The following KCNIP4 variants were observed in gnomAD, a reference collection of about 807,000 sequenced individuals.
KCNIP4 encodes the protein potassium voltage-gated channel interacting protein 4.
KCNIP4 carries 12 observed loss-of-function variants against 34.0 expected under a neutral mutation model. That is an observed-to-expected ratio of 0.35 (90% CI 0.23 to 0.57). KCNIP4 has a LOEUF of 0.57. KCNIP4 is among the 20% of genes least tolerant of loss of function. KCNIP4 has a pLI of 0.83. For missense variants in KCNIP4, 238 were observed against 311.7 expected (o/e 0.76, Z 1.78); for synonymous variants, 124 against 102.2 (o/e 1.21, Z -1.29).
At chr4:21,757,387 G>A (rs975260178) in intron 1 of KCNIP4, among the ~76,000 whole-genome samples, 4 of 152,194 alleles carry the variant, frequency 2.6e-5, no homozygotes, top group Non-Finnish European at 5.9e-5. Flanking sequence ...GAGAACGTAA[G>A]CTCACATGTG....
chr4:21,656,849 G>A (rs960605641), intron 1 of KCNIP4: 7 of 152,098 alleles, frequency 4.6e-5, no homozygotes, highest in Non-Finnish European at 7.3e-5. Context: ...CCTTCTTCTT[G>A]ACTTTCTTTA....
intron 1 of KCNIP4, among the ~76,000 whole-genome samples, chr4:21,416,384 C>A (rs1724956474): frequency 6.6e-6 from 1 of 151,996 alleles, no homozygotes; most frequent in South Asian, 2.1e-4. Context: ...GTAATAGAAC[C>A]ACCTTTTTAT....
At chr4:21,426,314 A>C (rs1725928781) in intron 1 of KCNIP4, among the ~76,000 whole-genome samples, 1 of 152,216 alleles carries the variant, frequency 6.6e-6, no homozygotes, top group Non-Finnish European at 1.5e-5. Context: ...AAATGTTCTA[A>C]AATTGGATTG....
intron 1 of KCNIP4, among the ~76,000 whole-genome samples, chr4:20,886,296 T>G (rs1033053135): frequency 3.3e-5 from 5 of 152,160 alleles, no homozygotes; most frequent in African/African-American, 1.2e-4. Context: ...CCTGGTGACA[T>G]GTTCCTTCCA....
chr4:21,720,960 T>C (rs2109095359), intron 1 of KCNIP4, among the ~76,000 whole-genome samples: 1 of 152,266 alleles, frequency 6.6e-6, no homozygotes, highest in Non-Finnish European at 1.5e-5. Flanking sequence ...CTATTGTGAA[T>C]AGTGCCACAG....
intron 1 of KCNIP4, among the ~76,000 whole-genome samples, chr4:21,404,609 A>G (rs1327250908): frequency 1.3e-5 from 2 of 152,202 alleles, no homozygotes; most frequent in African/African-American, 4.8e-5. Flanking sequence ...GCATATTAAC[A>G]ATCTTCAATG....
At chr4:21,865,930 T>C (rs995953885) in intron 1 of KCNIP4, among the ~76,000 whole-genome samples, 1 of 150,908 alleles carries the variant, frequency 6.6e-6, no homozygotes, top group African/African-American at 2.4e-5. Flanking sequence ...TGGTGTCTCA[T>C]ATATATATAT....
At chr4:21,944,180 G>A (rs542246287) in intron 1 of KCNIP4, among the ~76,000 whole-genome samples, 6 of 152,046 alleles carry the variant, frequency 3.9e-5, no homozygotes, top group African/African-American at 1.4e-4. Context: ...AGTATAGAGG[G>A]AGAAGATAAT....
intron 1 of KCNIP4, among the ~76,000 whole-genome samples, chr4:21,823,595 C>T (rs1030653295): frequency 5.9e-5 from 9 of 151,566 alleles, no homozygotes; most frequent in Admixed American, 4.0e-4. Flanking sequence ...ATTCTTGCTC[C>T]CCACCCCAAA....
chr4:21,213,508 G>T (rs1757368000), intron 1 of KCNIP4, among the ~76,000 whole-genome samples: 1 of 151,930 alleles, frequency 6.6e-6, no homozygotes, highest in Non-Finnish European at 1.5e-5. Flanking sequence ...CACCAAGTTG[G>T]CCAGGCTGGT....
intron 1 of KCNIP4, among the ~76,000 whole-genome samples, chr4:20,884,365 A>AT (rs1361792770): frequency 2.0e-5 from 3 of 151,864 alleles, no homozygotes; most frequent in African/African-American, 7.3e-5. Context: ...GGGTGACAAA[A>AT]TGTTATAAAT....
At chr4:21,048,832 G>A (rs1020799922) in intron 1 of KCNIP4, among the ~76,000 whole-genome samples, 1 of 152,024 alleles carries the variant, frequency 6.6e-6, no homozygotes, top group Non-Finnish European at 1.5e-5. Flanking sequence ...CTTCCTAGTG[G>A]GGCCTATCCT....
At chr4:21,743,970 C>T (rs753712163) in intron 1 of KCNIP4, among the ~76,000 whole-genome samples, 2 of 151,906 alleles carry the variant, frequency 1.3e-5, no homozygotes, top group Non-Finnish European at 2.9e-5. Context: ...GCTAAAGCTA[C>T]AGCAGAAGTA....
chr4:21,272,449 C>T (rs991928158), intron 1 of KCNIP4, among the ~76,000 whole-genome samples: 2 of 152,078 alleles, frequency 1.3e-5, no homozygotes, highest in Admixed American at 6.6e-5. Flanking sequence ...TCATGGCAAA[C>T]TATTAGATAG....
Position 21,551,837 on chromosome 4 carries a change from G to A in KCNIP4, c.61+396734C>T, listed in dbSNP as rs368515020. On this transcript the variant is annotated intron_variant, in intron 1 of 8. Transcript: ENST00000382152. ...AGAATAGAGGTGGCAGTGCAAAATA[G>A]AAGAATAAAAGAAATATTGTATTAT... 2.2e-4 allele frequency among the ~76,000 whole-genome samples: 33 copies of A among 152,028 alleles called. No individual in the cohort carries two copies. The East Asian group carries it at 6.2e-3, about 29-fold the overall frequency.
At chr4:21,648,984 C>T (rs374861304) in intron 1 of KCNIP4, among the ~76,000 whole-genome samples, 5 of 152,196 alleles carry the variant, frequency 3.3e-5, no homozygotes, top group African/African-American at 9.6e-5. Context: ...AGCTCGTGTT[C>T]AGTATCGAGT....
At chr4:20,758,082 C>T (rs1754634673) in intron 4 of KCNIP4, among the ~76,000 whole-genome samples, 1 of 152,170 alleles carries the variant, frequency 6.6e-6, no homozygotes, top group Non-Finnish European at 1.5e-5. Flanking sequence ...GTGATCAGCA[C>T]CTCATGCATG....
chr4:21,465,482 A>G (rs1400804114), intron 1 of KCNIP4, among the ~76,000 whole-genome samples: 1 of 152,100 alleles, frequency 6.6e-6, no homozygotes, highest in Non-Finnish European at 1.5e-5. Flanking sequence ...TCTCTTCATT[A>G]TGTCTAGGGC....
chr4:20,949,201 T>A (rs1732513693), intron 1 of KCNIP4, among the ~76,000 whole-genome samples: 1 of 152,192 alleles, frequency 6.6e-6, no homozygotes, highest in African/African-American at 2.4e-5. Context: ...TTGAAAAAAA[T>A]CCTTTGCAAA....
Sources: allele counts gnomAD v4.1 joint callset (sites outside exome capture counted in the v4.1 genomes callset), GRCh38; gene constraint gnomAD v4.1.1; transcripts MANE v1.5; gene names NCBI Gene and HGNC (gene_info 2026-07-23, HGNC 2026-07-21).